AMMECR1: variants seen among roughly 807,000 people sequenced by gnomAD.
AMMECR1 encodes the protein AMMECR nuclear protein 1.
A neutral mutation model predicts 22.5 loss-of-function variants in AMMECR1; 3 were observed. The ratio of observed to expected loss-of-function variants is 0.13; its 90% CI spans 0.06 to 0.35. AMMECR1 has a LOEUF of 0.35. Ranked by LOEUF, AMMECR1 falls within the 10% of genes least tolerant of loss-of-function variation. The probability of loss-of-function intolerance (pLI) is 1.00; values close to 1 mark genes in which losing one functional copy is unlikely to be tolerated. For synonymous variants in AMMECR1, 130 were observed against 116.7 expected, an observed-to-expected ratio of 1.11 and a Z score of -0.74; for missense variants, 235 against 278.7, an observed-to-expected ratio of 0.84 and a Z score of 1.12.
intron 2 of AMMECR1, among the ~76,000 whole-genome samples, chrX:110,413,579 C>T (rs934326278): frequency 1.9e-5 from 2 of 106,219 alleles, no homozygotes; most frequent in Non-Finnish European, 3.9e-5. Flanking sequence ...TTCTCCACCC[C>T]AAGTCCTGAC....
At chrX:110,350,032 G>T (rs976178094) in intron 2 of AMMECR1, among the ~76,000 whole-genome samples, 1 of 112,348 alleles carries the variant, frequency 8.9e-6, no homozygotes, top group African/African-American at 3.2e-5. Context: ...AAGAAAGCCT[G>T]CCATCTTATG....
chrX:110,384,246 G>A (rs765084635), intron 2 of AMMECR1, among the ~76,000 whole-genome samples: 1 of 110,616 alleles, frequency 9.0e-6, no homozygotes, highest in African/African-American at 3.3e-5. Context: ...GTTAAGTATG[G>A]GCTCATTAAG....
chrX:110,235,961 T>TA (rs1174358293), intron 2 of AMMECR1, among the ~76,000 whole-genome samples: 85 of 90,139 alleles, frequency 9.4e-4, no homozygotes, highest in Middle Eastern at 5.7e-3. Flanking sequence ...TAAAGTATAA[T>TA]AAAAAAAAAA....
intron 2 of AMMECR1, among the ~76,000 whole-genome samples, chrX:110,357,916 G>A (rs148889406): frequency 1.1e-3 from 124 of 111,274 alleles, no homozygotes; most frequent in African/African-American, 3.1e-3. Context: ...GGGTGTTTAC[G>A]AGACTGACTT....
chrX:110,314,239 G>A (rs1374738081), intron 1 of AMMECR1, among the ~76,000 whole-genome samples: 2 of 111,632 alleles, frequency 1.8e-5, no homozygotes, highest in African/African-American at 6.5e-5. Context: ...GATTTCCCAG[G>A]TGATGTCTTC....
intron 1 of AMMECR1, among the ~76,000 whole-genome samples, chrX:110,277,123 A>G (rs990488137): frequency 4.5e-5 from 5 of 111,335 alleles, no homozygotes; most frequent in Non-Finnish European, 9.4e-5. Context: ...GGTGGAAAGG[A>G]GCAAGTCTTG....
intron 2 of AMMECR1, among the ~76,000 whole-genome samples, chrX:110,220,595 A>C (rs1204801608): frequency 8.9e-6 from 1 of 111,816 alleles, no homozygotes; most frequent in Non-Finnish European, 1.9e-5. Context: ...AAATATTGCT[A>C]GAAAAACAAA....
intron 2 of AMMECR1, among the ~76,000 whole-genome samples, chrX:110,383,072 A>G (rs758618839): frequency 1.8e-5 from 2 of 111,882 alleles, no homozygotes; most frequent in Non-Finnish European, 3.8e-5. Flanking sequence ...AACTCTTGCA[A>G]AAAGCCAACT....
chrX:110,297,712 G>A (rs1298332711), intron 1 of AMMECR1, among the ~76,000 whole-genome samples: 3 of 111,385 alleles, frequency 2.7e-5, no homozygotes, highest in African/African-American at 9.8e-5. Flanking sequence ...TTTTATAGGG[G>A]AGTAGATTTT....
At chrX:110,209,632 G>C (rs2067437728) in intron 3 of AMMECR1, among the ~76,000 whole-genome samples, 1 of 111,557 alleles carries the variant, frequency 9.0e-6, no homozygotes, top group Non-Finnish European at 1.9e-5. Flanking sequence ...ACTTCTAAAT[G>C]GCTAGTGGTG....
At chrX:110,420,993 C>T (rs779622197) in intron 2 of AMMECR1, among the ~76,000 whole-genome samples, 1 of 111,482 alleles carries the variant, frequency 9.0e-6, no homozygotes, top group East Asian at 2.8e-4. Flanking sequence ...ATTACACCAG[C>T]GAGAGAGCTG....
At chrX:110,349,206 G>A (rs2068202132) in intron 2 of AMMECR1, among the ~76,000 whole-genome samples, 1 of 112,215 alleles carries the variant, frequency 8.9e-6, no homozygotes, top group African/African-American at 3.2e-5. Context: ...ATCTCAGAGA[G>A]ATTAATTCGT....
chrX:110,416,209 T>C (rs1308558036), intron 2 of AMMECR1, among the ~76,000 whole-genome samples: 2 of 111,658 alleles, frequency 1.8e-5, no homozygotes, highest in Non-Finnish European at 3.8e-5. Context: ...GGCTCAGCTC[T>C]GAAATCATGA....
chrX:110,318,177 T>G, upstream of AMMECR1: 1 of 720,048 alleles, frequency 1.4e-6, no homozygotes, highest in Non-Finnish European at 1.7e-6. Context: ...CGCCAGAGGC[T>G]GGCGGGGCGC....
intron 1 of AMMECR1, among the ~76,000 whole-genome samples, chrX:110,316,424 G>A (rs1238551610): frequency 2.7e-5 from 3 of 111,110 alleles, no homozygotes; most frequent in Admixed American, 1.9e-4. Context: ...CTTTCAGTAC[G>A]AGTTTCACTG....
intron 2 of AMMECR1, among the ~76,000 whole-genome samples, chrX:110,375,527 T>C (rs1232561343): frequency 9.4e-6 from 1 of 106,561 alleles, no homozygotes; most frequent in Non-Finnish European, 1.9e-5. Flanking sequence ...CAGTAAATAT[T>C]GGATGAATAG....
chrX:110,362,472 G>C (rs1272920354), intron 2 of AMMECR1, among the ~76,000 whole-genome samples: 2 of 112,133 alleles, frequency 1.8e-5, no homozygotes, highest in Non-Finnish European at 3.8e-5. Flanking sequence ...ACAACTGCTA[G>C]CAATAGCTTC....
At chrX:110,267,479 A>G (rs1409143528) in intron 1 of AMMECR1, among the ~76,000 whole-genome samples, 3 of 111,394 alleles carry the variant, frequency 2.7e-5, no homozygotes, top group Admixed American at 9.5e-5. Flanking sequence ...AAATGTATCA[A>G]TCCTCTCCCG....
intron 2 of AMMECR1, among the ~76,000 whole-genome samples, chrX:110,373,448 C>T (rs993547390): frequency 1.8e-5 from 2 of 111,635 alleles, no homozygotes; most frequent in African/African-American, 3.3e-5. Flanking sequence ...AATGAAAAAC[C>T]GCCTGTAGAC....
Sources: gnomAD v4.1 joint callset for allele counts (sites outside exome capture counted in the v4.1 genomes callset) on GRCh38, gnomAD v4.1.1 for gene constraint, MANE v1.5 for transcripts, NCBI Gene and HGNC (gene_info 2026-07-23, HGNC 2026-07-21) for gene names.